CDH26: variants seen among roughly 807,000 people sequenced by gnomAD.
CDH26 encodes the protein cadherin 26.
CDH26 carries 83 observed loss-of-function variants against 90.3 expected under a neutral mutation model. The observed-to-expected ratio is 0.92, with a 90% CI of 0.77 to 1.10. The LOEUF is 1.10. CDH26 is among the 50% of genes least tolerant of loss of function. The probability of loss-of-function intolerance (pLI) is 0.00; values close to 1 mark genes in which losing one functional copy is unlikely to be tolerated. For synonymous variants in CDH26, 397 were observed against 396.3 expected, an observed-to-expected ratio of 1.00 and a Z score of -0.02; for missense variants, 1,013 against 1,037.6, an observed-to-expected ratio of 0.98 and a Z score of 0.33.
At position 60,012,738 on chromosome 20, in the gene CDH26, A is replaced by G. The variant is rs760524759; in HGVS notation, c.*8A>G. On this transcript the variant is annotated 3_prime_UTR_variant, in exon 18 of 18. Coordinates refer to ENST00000348616, the MANE Select transcript of CDH26 (RefSeq NM_177980.4). The stretch of plus-strand genomic sequence containing the variant: ...TCAGGTGTTCCTTCCTAAAAAAAAA[A>G]GTCTATTTTGGAGAATTGAAATAAT... The G allele has an allele frequency of 6.2e-7, 1 of 1,607,504 alleles. No individual in the cohort carries two copies. Among genetic ancestry groups the G allele is most frequent in the African/African-American group, 1.3e-5 (1 of 74,622 alleles).
intron 10 of CDH26, 111 bp from the exon 11 acceptor site, chr20:59,994,139 A>G: frequency 7.2e-7 from 1 of 1,383,402 alleles, no homozygotes; most frequent in Admixed American, 2.0e-5. Context: ...TGAAAGGGAA[A>G]CAGTTCCAGT....
chr20:59,966,867 GATAA>G (rs2061155710), intron 1 of CDH26, among the ~76,000 whole-genome samples: 1 of 152,156 alleles, frequency 6.6e-6, no homozygotes, highest in Non-Finnish European at 1.5e-5. Context: ...TAGGAGAATG[GATAA>G]ATAGATTATT....
chr20:59,999,746 C>T (rs2061650751), intron 14 of CDH26, 83 bp downstream of exon 14: 3 of 1,249,800 alleles, frequency 2.4e-6, no homozygotes, highest in African/African-American at 1.5e-5. Flanking sequence ...CTGGGATGCT[C>T]CTCCCAGTGC....
intron 7 of CDH26, among the ~76,000 whole-genome samples, chr20:60,028,391 G>C (rs1005859426): frequency 6.6e-6 from 1 of 152,266 alleles, no homozygotes; most frequent in Non-Finnish European, 1.5e-5. Flanking sequence ...CTCCTTGAGG[G>C]AAGGAACTGG....
intron 1 of CDH26, among the ~76,000 whole-genome samples, chr20:59,967,813 ATTTCTTTCTT>A (rs2061171078): frequency 2.3e-5 from 1 of 43,990 alleles, no homozygotes; most frequent in Non-Finnish European, 4.3e-5. Flanking sequence ...TCCCTCCCTC[ATTTCTTTCTT>A]TCTTTCTTTC....
At chr20:59,995,733 C>A in intron 11 of CDH26, 100 bp from the exon 12 acceptor site, 2 of 1,073,442 alleles carry the variant, frequency 1.9e-6, no homozygotes, top group South Asian at 1.4e-5. Context: ...GGCTTACTTT[C>A]ATACAGAGCT....
intron 8 of CDH26, among the ~76,000 whole-genome samples, chr20:60,031,716 C>T (rs963442525): frequency 1.3e-5 from 2 of 152,208 alleles, no homozygotes; most frequent in African/African-American, 4.8e-5. Flanking sequence ...GGTGAGAGGG[C>T]TGTGTTCTTC....
chr20:60,006,787 G>A lies in CDH26; in HGVS notation c.2295G>A (p.Gln765=). ...GAAGGATGGCAGAGACATTGAATCAGGTAGGGAGAGCTCCCCTTGTGCTGT... is the reference window on the plus strand; with the variant it reads ...GAAGGATGGCAGAGACATTGAATCAAGTAGGGAGAGCTCCCCTTGTGCTGT... ...VEGRMAETLN[Q]KLHVANVLED... is the part of the protein sequence containing the mutation. Residue 765 remains glutamine (Q), a splice_region_variant and synonymous_variant, in exon 17 of 18, where the codon CAG becomes CAA. Coordinates refer to ENST00000348616, the MANE Select transcript of CDH26 (RefSeq NM_177980.4). The A allele has an allele frequency of 1.2e-6, 2 of 1,612,660 alleles. No individual in the cohort carries two copies. Among genetic ancestry groups the A allele is most frequent in the Non-Finnish European group, 1.7e-6 (2 of 1,178,632 alleles).
intron 4 of CDH26, among the ~76,000 whole-genome samples, chr20:59,976,324 T>A (rs1317729321): frequency 6.6e-6 from 1 of 152,246 alleles, no homozygotes; most frequent in African/African-American, 2.4e-5. Context: ...AAAATGTCCA[T>A]GACATTTCTT....
At chr20:59,977,803 AC>A (rs1282228914) in intron 4 of CDH26, among the ~76,000 whole-genome samples, 2 of 152,176 alleles carry the variant, frequency 1.3e-5, no homozygotes, top group African/African-American at 4.8e-5. Context: ...CCCATAGTTT[AC>A]ATTAGGCTTC....
chr20:60,031,389 A>T, exon 8 of CDH26: 1 of 1,227,726 alleles, frequency 8.1e-7, no homozygotes, highest in Non-Finnish European at 1.0e-6. Context: ...TGGCTCGAAC[A>T]CCCTCTTTCA....
intron 3 of CDH26, among the ~76,000 whole-genome samples, chr20:59,971,189 C>A (rs748626166): frequency 4.6e-4 from 70 of 152,186 alleles, no homozygotes; most frequent in Non-Finnish European, 8.4e-4. Context: ...AAATAGTGCA[C>A]GCCTACTGTT....
At chr20:59,986,432 A>G (rs577798079) in intron 7 of CDH26, among the ~76,000 whole-genome samples, 54 of 152,306 alleles carry the variant, frequency 3.5e-4, no homozygotes, top group Non-Finnish European at 6.9e-4. Flanking sequence ...TTTATTTTTT[A>G]CTATTCTATA....
intron 1 of CDH26, among the ~76,000 whole-genome samples, chr20:59,959,607 C>G (rs1306800637): frequency 6.6e-6 from 1 of 152,086 alleles, no homozygotes. Context: ...ACCATGTTGG[C>G]CAGGCTGGTC....
rs1406036172 is a variant in CDH26, at chr20:59,995,998, T to G, written c.1832T>G (p.Val611Gly). ...LTCVELADAE[V>G]GLHVGALFPV... ...TGTGTGGAGCTTGCAGATGCAGAAG[T>G]GGGGCTTCATGTGGGGGCCCTGTTC... Residue 611 changes from valine to glycine, a missense_variant, in exon 12 of 18, where the codon GTG (valine) becomes GGG (glycine). By Grantham distance (109) the Val-to-Gly change is moderately radical. Transcript: ENST00000348616. 1 of 1,614,118 alleles carries G rather than the reference T, an allele frequency of 6.2e-7. No homozygotes were observed. The highest frequency in any genetic ancestry group is 2.2e-5 in the East Asian group (1 of 44,872).
At chr20:59,964,777 G>A (rs140179753) in intron 1 of CDH26, among the ~76,000 whole-genome samples, 6 of 152,092 alleles carry the variant, frequency 3.9e-5, no homozygotes, top group African/African-American at 9.7e-5. Flanking sequence ...CAACTGTGCC[G>A]TTTATGTCTT....
In CDH26 at chr20:59,970,204, A is replaced by G; in HGVS notation, c.231+18A>G. ...TTGGTGAGGTAAGGTGCCTACTCTT[A>G]AGGAATGACCCCATCATGCCCTCTA... On this transcript the variant is annotated intron_variant, in intron 3 of 17. Coordinates refer to ENST00000348616, the MANE Select transcript of CDH26 (RefSeq NM_177980.4). The G allele has an allele frequency of 6.2e-7, 1 of 1,611,236 alleles. No homozygotes were observed. Among genetic ancestry groups the G allele is most frequent in the Non-Finnish European group, 8.5e-7 (1 of 1,178,876 alleles).
intron 1 of CDH26, among the ~76,000 whole-genome samples, chr20:59,964,105 G>A (rs902795627): frequency 2.2e-4 from 34 of 152,202 alleles, no homozygotes; most frequent in Admixed American, 2.0e-3. Flanking sequence ...TTTAGGACTC[G>A]AATTCTGCTT....
At chr20:59,981,813 TG>T (rs933645843) in intron 4 of CDH26, among the ~76,000 whole-genome samples, 7 of 152,152 alleles carry the variant, frequency 4.6e-5, no homozygotes, top group African/African-American at 1.7e-4. Flanking sequence ...TTATATTTTT[TG>T]GAAGAGACTG....
Sources: allele counts gnomAD v4.1 joint callset (sites outside exome capture counted in the v4.1 genomes callset), GRCh38; gene constraint gnomAD v4.1.1; transcripts MANE v1.5; gene names NCBI Gene and HGNC (gene_info 2026-07-23, HGNC 2026-07-21).